MRPL52: variants seen among roughly 807,000 people sequenced by gnomAD.
The protein encoded by MRPL52 is large ribosomal subunit protein mL52.
Under a neutral mutation model 22.1 loss-of-function variants are expected in MRPL52, and 19 were observed. The observed-to-expected ratio is 0.86, with a 90% confidence interval of 0.60 to 1.26. The LOEUF (loss-of-function observed/expected upper bound fraction) is 1.26. MRPL52 is among the 50% of genes most tolerant of loss of function. The pLI, the probability that MRPL52 is intolerant of heterozygous loss-of-function variation, is 0.00. For synonymous variants in MRPL52, 50 were observed against 57.5 expected (o/e 0.87, Z 0.59); for missense variants, 152 against 148.1 (o/e 1.03, Z -0.14).
chr14:22,834,274 C>T lies in MRPL52; in HGVS notation c.322C>T (p.Leu108Phe), dbSNP rs1228854285. ...AGAACAAAGGAAGCAGGAAAATGCT[C>T]TTAAACCCAAAGGGGCTTCACTGAA... The part of the protein sequence containing the change: ...QEEQRKQENA[L>F]KPKGASLKSP... The change falls in exon 5 of 5, where the codon CTT (leucine) becomes TTT (phenylalanine). Residue 108 changes from leucine to phenylalanine, a missense_variant. Leu to Phe is a conservative substitution (Grantham distance 22). Transcript: ENST00000397496. The T allele has an allele frequency of 6.2e-7, 1 of 1,614,104 alleles. No individual in the cohort carries two copies. The highest frequency in any genetic ancestry group is 8.5e-7 in the Non-Finnish European group (1 of 1,180,010).
Position 22,830,184 on chromosome 14 carries a change from C to T in MRPL52, c.87-3C>T. The T allele has an allele frequency of 1.2e-6, 2 of 1,614,242 alleles. No homozygotes were observed. Among genetic ancestry groups the T allele is most frequent in the Non-Finnish European group, 1.7e-6 (2 of 1,180,034 alleles). Reference sequence around the variant, plus strand: ...CCTCACAGATCTGTTTTTCTCCACACAGGCAGGGACTGGCTGCCAACCCCT... The same window carrying T: ...CCTCACAGATCTGTTTTTCTCCACATAGGCAGGGACTGGCTGCCAACCCCT... On this transcript the variant is annotated splice_polypyrimidine_tract_variant and splice_region_variant and intron_variant, in intron 2 of 4. Coordinates refer to ENST00000397496, the MANE Select transcript of MRPL52 (RefSeq NM_180982.3).
rs1485812761 is a variant in MRPL52, at chr14:22,832,347, TTTG to T, written c.155-1068_155-1066del. Among the ~76,000 whole-genome samples, 24 of 152,196 alleles carry T rather than the reference TTTG, an allele frequency of 1.6e-4. No homozygotes were observed. The Middle Eastern group carries it at 0.01, about 65-fold the overall frequency. On this transcript the variant is annotated intron_variant, in intron 3 of 4. Transcript: ENST00000397496. ...TAAGAGTTTCTGGTTTTTTTTGTTT[TTTG>T]TTTTTTTTGAGATGGAGTCAGGCTC...
chr14:22,833,686 G>A (rs2039675936), intron 4 of MRPL52, among the ~76,000 whole-genome samples: 1 of 152,184 alleles, frequency 6.6e-6, no homozygotes, highest in Non-Finnish European at 1.5e-5. Flanking sequence ...GTGCAATGGC[G>A]CTATCTCAGC....
In MRPL52 at chr14:22,833,473, G is replaced by C; in HGVS notation, c.210G>C (p.Glu70Asp). 1 of 1,613,326 alleles carries C rather than the reference G, an allele frequency of 6.2e-7. No individual in the cohort carries two copies. Among genetic ancestry groups the C allele is most frequent in the Non-Finnish European group, 8.5e-7 (1 of 1,179,246 alleles). The change falls in exon 4 of 5, where the codon GAG becomes GAC. Residue 70 changes from glutamate to aspartate, a missense_variant. Glu to Asp is a conservative substitution (Grantham distance 45). Coordinates refer to ENST00000397496, the MANE Select transcript of MRPL52 (RefSeq NM_180982.3). Reference protein sequence around the residue: ...KGQLRRKAERETFARRVVLLS... With the variant: ...KGQLRRKAERDTFARRVVLLS... ...AGCTTCGAAGAAAAGCTGAAAGGGA[G>C]ACGTTTGCAGTGAGTGGTTAGAGCA...
chr14:22,831,349 C>T (rs576694210), intron 3 of MRPL52: 25 of 225,440 alleles, frequency 1.1e-4, no homozygotes, highest in African/African-American at 5.5e-4. Flanking sequence ...TACTCCTTAG[C>T]TCAAGTGATC....
chr14:22,832,243 A>G (rs539758362), intron 3 of MRPL52, among the ~76,000 whole-genome samples: 20 of 152,318 alleles, frequency 1.3e-4, no homozygotes, highest in South Asian at 8.3e-4. Context: ...TGGCTGGAAG[A>G]AAAGGAAAAG....
Position 22,834,218 on chromosome 14 carries a change from C to T in MRPL52, c.266C>T (p.Ala89Val), listed in dbSNP as rs2039688357. 5 of 1,614,066 alleles carry T rather than the reference C, an allele frequency of 3.1e-6. No homozygotes were observed. Among genetic ancestry groups the T allele is most frequent in the African/African-American group, 1.3e-5 (1 of 74,930 alleles). The change falls in exon 5 of 5, where the codon GCA becomes GTA. Residue 89 changes from alanine (A) to valine (V), a missense_variant. By Grantham distance (64) the Ala-to-Val change is moderately conservative (BLOSUM62 0). Transcript: ENST00000397496. ...CAGGAAATGGACGCTGGATTACAAG[C>T]ATGGCAGCTCAGGCAGCAGAAGTTG... ...LSQEMDAGLQ[A>V]WQLRQQKLQE...
At position 22,834,648 on chromosome 14, in the gene MRPL52, C is replaced by G. The variant is rs1164141610; in HGVS notation, c.*327C>G. 4.9e-6 allele frequency: 1 copy of G among 203,064 alleles called. No individual in the cohort carries two copies. The highest frequency in any genetic ancestry group is 2.3e-5 in the African/African-American group (1 of 42,912). 12.6% of individuals were successfully genotyped at this position (203,064 alleles called of 1,614,324 possible). A position where few individuals can be genotyped will look rare whatever the true frequency, so the allele number is the denominator to read the frequency against. ...AGGAGTTCGAGACCAGCCTGGCCAACCCAGCCTGGTCAACATGGTGAAACC... is the reference window on the plus strand; with the variant it reads ...AGGAGTTCGAGACCAGCCTGGCCAAGCCAGCCTGGTCAACATGGTGAAACC... On this transcript the variant is annotated 3_prime_UTR_variant, in exon 5 of 5. Coordinates refer to ENST00000397496, the MANE Select transcript of MRPL52 (RefSeq NM_180982.3).
chr14:22,833,577 C>T (rs1595007450), intron 4 of MRPL52, 95 bp downstream of exon 4: 1 of 853,346 alleles, frequency 1.2e-6, no homozygotes, highest in East Asian at 2.6e-5. Context: ...AAACATGTAC[C>T]CCTCATACAG....
chr14:22,830,550 A>G (rs914096830), intron 3 of MRPL52: 9 of 448,702 alleles, frequency 2.0e-5, no homozygotes, highest in Non-Finnish European at 1.6e-5. Context: ...AAAGGGGGAC[A>G]TTTTTTTTTA....
intron 3 of MRPL52, chr14:22,831,130 T>TTTTTTTTTA (rs57953366): frequency 1.0e-5 from 6 of 595,478 alleles, no homozygotes; most frequent in African/African-American, 6.3e-5. Context: ...TTTTTTTTTT[T>TTTTTTTTTA]GAGATGGGGT....
chr14:22,830,399 C>A, intron 3 of MRPL52, 145 bp downstream of exon 3: 3 of 774,716 alleles, frequency 3.9e-6, no homozygotes, highest in Admixed American at 4.9e-5. Context: ...GGGAAAGAAA[C>A]CCTCTTGTTT....
At position 22,834,415 on chromosome 14, in the gene MRPL52, C is replaced by A; in HGVS notation, c.*94C>A. ...CAGCCAGAAGATAGCCTTCACGTTC[C>A]CCATCTGTCTTCAGAGAAAAAGAGC... On this transcript the variant is annotated 3_prime_UTR_variant, in exon 5 of 5. Transcript: ENST00000397496. 3.6e-6 allele frequency: 5 copies of A among 1,388,528 alleles called. No homozygotes were observed. The South Asian group carries it at 7.5e-5, about 21-fold the overall frequency. The allele number at this position is 1,388,528 out of a possible 1,614,324, so 86.0% of individuals were successfully genotyped here. A position where few individuals can be genotyped will look rare whatever the true frequency, so the allele number is the denominator to read the frequency against.
rs529199690 is a variant in MRPL52 at position 22,829,905 on chromosome 14, T to A, written c.-8T>A. On this transcript the variant is annotated 5_prime_UTR_variant, in exon 1 of 5. Transcript: ENST00000397496. ...TACTTCCGGCTACCCCGGCTACTCCTGCTCAGCATGGCTGCTTTAGGGACT... is the reference window on the plus strand; with the variant it reads ...TACTTCCGGCTACCCCGGCTACTCCAGCTCAGCATGGCTGCTTTAGGGACT... 3.6e-5 allele frequency: 55 copies of A among 1,518,200 alleles called. No individual in the cohort carries two copies. The highest frequency in any genetic ancestry group is 4.9e-5 in the Non-Finnish European group (55 of 1,125,510). The allele number at this position is 1,518,200 out of a possible 1,614,324, so 94.0% of individuals were successfully genotyped here. A position where few individuals can be genotyped will look rare whatever the true frequency, so the allele number is the denominator to read the frequency against.
chr14:22,830,490 G>C, intron 3 of MRPL52: 2 of 547,390 alleles, frequency 3.7e-6, no homozygotes, highest in Non-Finnish European at 6.4e-6. Context: ...AGATAATTCT[G>C]ACTTGGGGCC....
intron 3 of MRPL52, chr14:22,831,015 AT>A: frequency 7.0e-7 from 1 of 1,438,706 alleles, no homozygotes; most frequent in South Asian, 1.2e-5. Context: ...GATGGTGAAG[AT>A]TTTTTCTACT....
intron 3 of MRPL52, 127 bp downstream of exon 3, chr14:22,830,381 G>A: frequency 1.1e-6 from 1 of 913,710 alleles, no homozygotes; most frequent in Non-Finnish European, 1.7e-6. Context: ...TTTGGAAAAC[G>A]GAATTTGGGG....
rs146260711 is a variant in MRPL52 at position 22,833,476 on chromosome 14, G to A, written c.213G>A (p.Thr71=). 2.0e-5 allele frequency: 33 copies of A among 1,612,628 alleles called. No homozygotes were observed. The highest frequency in any genetic ancestry group is 1.6e-4 in the East Asian group (7 of 44,894). The part of the protein sequence containing the change: ...GQLRRKAERE[T]FARRVVLLSQ... ...TTCGAAGAAAAGCTGAAAGGGAGACGTTTGCAGTGAGTGGTTAGAGCAACA... is the reference window on the plus strand; with the variant it reads ...TTCGAAGAAAAGCTGAAAGGGAGACATTTGCAGTGAGTGGTTAGAGCAACA... Residue 71 remains threonine, a synonymous_variant, in exon 4 of 5, where the codon ACG becomes ACA. Transcript: ENST00000397496.
chr14:22,834,074 A>G, intron 4 of MRPL52, 98 bp from the exon 5 acceptor site: 1 of 1,407,660 alleles, frequency 7.1e-7, no homozygotes, highest in Non-Finnish European at 9.6e-7. Flanking sequence ...CAGCAGCGTC[A>G]TTTTCCAGAT....
Sources: allele counts gnomAD v4.1 joint callset (sites outside exome capture counted in the v4.1 genomes callset), GRCh38; gene constraint gnomAD v4.1.1; transcripts MANE v1.5; gene names NCBI Gene and HGNC (gene_info 2026-07-23, HGNC 2026-07-21).